The following TBC1D4 variants were observed in gnomAD, a reference collection of about 807,000 sequenced individuals.
The protein encoded by TBC1D4 is TBC (Tre-2, BUB2, CDC16) domain-containing protein.
TBC1D4 carries 121 observed loss-of-function variants against 142.5 expected under a neutral mutation model. The ratio of observed to expected loss-of-function variants is 0.85; its 90% CI spans 0.73 to 0.99. The LOEUF is 0.99. Ranked by LOEUF, TBC1D4 falls within the 50% of genes least tolerant of loss-of-function variation. The pLI, the probability that TBC1D4 is intolerant of heterozygous loss-of-function variation, is 0.00. For synonymous variants in TBC1D4, 630 were observed against 628.2 expected, an observed-to-expected ratio of 1.00 and a Z score of -0.04; for missense variants, 1,475 against 1,606.6, an observed-to-expected ratio of 0.92 and a Z score of 1.40.
chr13:75,354,936 TA>T (rs1274022315), intron 4 of TBC1D4, among the ~76,000 whole-genome samples: 1 of 152,184 alleles, frequency 6.6e-6, no homozygotes, highest in African/African-American at 2.4e-5. Flanking sequence ...AACATGTGGA[TA>T]TTGCATAGGT....
At chr13:75,469,702 A>G (rs1004193969) in intron 1 of TBC1D4, among the ~76,000 whole-genome samples, 4 of 152,068 alleles carry the variant, frequency 2.6e-5, no homozygotes, top group Non-Finnish European at 5.9e-5. Flanking sequence ...TTGAGCCCAG[A>G]AAGTCAAGGC....
intron 1 of TBC1D4, 75 bp downstream of exon 1, chr13:75,481,195 T>TCCCCCCCCCAC: frequency 2.3e-6 from 3 of 1,292,710 alleles, no homozygotes; most frequent in Non-Finnish European, 3.2e-6. Context: ...TAAAGTGGGG[T>TCCCCCCCCCAC]CCCCGCCCCT....
At chr13:75,326,680 G>A (rs1255777753) in intron 9 of TBC1D4, among the ~76,000 whole-genome samples, 5 of 152,142 alleles carry the variant, frequency 3.3e-5, no homozygotes, top group Non-Finnish European at 7.3e-5. Context: ...GACAGCATCC[G>A]TAAAGACAGG....
chr13:75,390,267 G>C (rs1183245367), intron 1 of TBC1D4, among the ~76,000 whole-genome samples: 8 of 112,418 alleles, frequency 7.1e-5, no homozygotes, highest in Non-Finnish European at 1.2e-4. Flanking sequence ...GCGACAGAGA[G>C]AGACTCCGTC....
chr13:75,390,339 C>T (rs1375088471), intron 1 of TBC1D4, among the ~76,000 whole-genome samples: 1 of 149,440 alleles, frequency 6.7e-6, no homozygotes, highest in African/African-American at 2.5e-5. Flanking sequence ...ATTAAATTGA[C>T]AGTCAGGTCT....
intron 4 of TBC1D4, among the ~76,000 whole-genome samples, chr13:75,354,704 C>T (rs1023211909): frequency 1.3e-4 from 19 of 151,764 alleles, no homozygotes; most frequent in Admixed American, 7.2e-4. Flanking sequence ...GGGTGGGGAG[C>T]GGGGCATGTG....
At chr13:75,345,180 C>T (rs1024987804) in intron 5 of TBC1D4, among the ~76,000 whole-genome samples, 8 of 152,168 alleles carry the variant, frequency 5.3e-5, no homozygotes, top group African/African-American at 1.4e-4. Flanking sequence ...TACCCCACTA[C>T]GGGTCTCAGT....
chr13:75,403,600 C>A (rs1440590097), intron 1 of TBC1D4, among the ~76,000 whole-genome samples: 2 of 152,172 alleles, frequency 1.3e-5, no homozygotes, highest in Non-Finnish European at 2.9e-5. Flanking sequence ...CTACTCCTTA[C>A]TATCATTCTG....
intron 1 of TBC1D4, among the ~76,000 whole-genome samples, chr13:75,409,861 A>C (rs1885533619): frequency 6.6e-6 from 1 of 152,230 alleles, no homozygotes; most frequent in African/African-American, 2.4e-5. Context: ...TTAAGATACT[A>C]GTGTTAATTT....
intron 4 of TBC1D4, among the ~76,000 whole-genome samples, chr13:75,351,946 A>T (rs1407015963): frequency 6.6e-6 from 1 of 152,218 alleles, no homozygotes; most frequent in East Asian, 1.9e-4. Context: ...TTAGATTTTA[A>T]GCCCATTTAT....
chr13:75,380,644 T>C (rs1883787535), intron 1 of TBC1D4, among the ~76,000 whole-genome samples: 1 of 152,160 alleles, frequency 6.6e-6, no homozygotes. Context: ...ACACGTTAAC[T>C]CTACCTACGT....
chr13:75,399,824 G>A (rs956672204), intron 1 of TBC1D4, among the ~76,000 whole-genome samples: 23 of 152,198 alleles, frequency 1.5e-4, no homozygotes, highest in African/African-American at 5.5e-4. Context: ...CTGCACCCCA[G>A]TATGAAGAAG....
chr13:75,447,881 T>C (rs1887359012), intron 1 of TBC1D4, among the ~76,000 whole-genome samples: 3 of 152,136 alleles, frequency 2.0e-5, no homozygotes, highest in African/African-American at 7.2e-5. Context: ...TCTCCCATCA[T>C]GCCTAGATAG....
chr13:75,350,371 ATTC>A (rs1400447408), intron 4 of TBC1D4, among the ~76,000 whole-genome samples: 2 of 152,214 alleles, frequency 1.3e-5, no homozygotes, highest in Non-Finnish European at 2.9e-5. Flanking sequence ...TAAACAGACT[ATTC>A]TTCTACTATT....
At chr13:75,300,399 C>T (rs1401295951) in intron 16 of TBC1D4, among the ~76,000 whole-genome samples, 3 of 152,054 alleles carry the variant, frequency 2.0e-5, no homozygotes, top group Non-Finnish European at 4.4e-5. Flanking sequence ...TTTTCTAGGG[C>T]CACAAAAATG....
intron 1 of TBC1D4, among the ~76,000 whole-genome samples, chr13:75,433,737 T>C (rs534448350): frequency 2.0e-5 from 3 of 152,116 alleles, no homozygotes; most frequent in South Asian, 4.2e-4. Context: ...AGACAACCTA[T>C]GAATGCGAAA....
intron 1 of TBC1D4, among the ~76,000 whole-genome samples, chr13:75,385,328 C>T (rs564579861): frequency 9.1e-4 from 139 of 152,262 alleles, no homozygotes; most frequent in Non-Finnish European, 1.6e-3. Flanking sequence ...ATGGCTCCCA[C>T]GCAAAACGTT....
chr13:75,478,667 T>C (rs1888713867), intron 1 of TBC1D4, among the ~76,000 whole-genome samples: 1 of 152,202 alleles, frequency 6.6e-6, no homozygotes, highest in Non-Finnish European at 1.5e-5. Context: ...TACTGCTGGA[T>C]GATAATATGT....
chr13:75,426,321 A>G (rs951519361), intron 1 of TBC1D4, among the ~76,000 whole-genome samples: 1 of 152,180 alleles, frequency 6.6e-6, no homozygotes, highest in African/African-American at 2.4e-5. Context: ...AAGGGAAAAA[A>G]TCCTTTTTGA....
Sources: gnomAD v4.1 joint callset for allele counts (sites outside exome capture counted in the v4.1 genomes callset) on GRCh38, gnomAD v4.1.1 for gene constraint, MANE v1.5 for transcripts, NCBI Gene and HGNC (gene_info 2026-07-23, HGNC 2026-07-21) for gene names.